The following SIK3 variants were observed in gnomAD, a reference collection of about 807,000 sequenced individuals.
SIK3 encodes serine/threonine-protein kinase SIK3.
In SIK3, 28 loss-of-function variants were observed where a neutral mutation model predicts 144.2. That is an observed-to-expected ratio of 0.19 (90% CI 0.14 to 0.27). SIK3 has a LOEUF of 0.27. Ranked by LOEUF, SIK3 falls within the 10% of genes least tolerant of loss-of-function variation. The pLI, the probability that SIK3 is intolerant of heterozygous loss-of-function variation, is 1.00. For synonymous variants in SIK3, 686 were observed against 676.3 expected (o/e 1.01, Z -0.22); for missense variants, 1,319 against 1,776.0 (o/e 0.74, Z 4.62).
chr11:116,875,078 A>T, intron 11 of SIK3, 80 bp downstream of exon 11: 1 of 1,087,510 alleles, frequency 9.2e-7, no homozygotes, highest in African/African-American at 1.5e-5. Flanking sequence ...TGTAGTAGGA[A>T]ATGTGCCATG....
chr11:117,023,617 A>ATAT (rs1194910685), intron 1 of SIK3, among the ~76,000 whole-genome samples: 45 of 109,140 alleles, frequency 4.1e-4, no homozygotes, highest in Non-Finnish European at 6.2e-4. Context: ...AACAAAAAAA[A>ATAT]AAAAATATAT....
chr11:116,847,587 C>T lies in SIK3; in HGVS notation c.3841G>A (p.Gly1281Arg), dbSNP rs1297147128. 6.2e-7 allele frequency: 1 copy of T among 1,614,216 alleles called. No individual in the cohort carries two copies. The stretch of plus-strand genomic sequence containing the variant: ...GCTTTCCCAGCCACGAGACTCATTC[C>T]TGGCAAGTTATCCAGCTGTACCTGC... ...DAYVQLDNLP[G>R]MSLVAGKALS... is the part of the protein sequence containing the mutation. The change falls in exon 23 of 25, where the codon GGA (glycine) becomes AGA (arginine). Residue 1281 changes from glycine (G) to arginine (R), a missense_variant. This residue lies in a region of SIK3 where 646 missense variants were observed against 763.7 expected (regional missense o/e 0.85). Transcript: ENST00000445177.
intron 1 of SIK3, among the ~76,000 whole-genome samples, chr11:117,053,375 T>C (rs541380060): frequency 1.3e-5 from 2 of 151,798 alleles, no homozygotes; most frequent in South Asian, 2.1e-4. Flanking sequence ...AATGCTATTA[T>C]AGGTAAGTAT....
At chr11:116,873,024 A>G (rs1325260251) in intron 13 of SIK3, among the ~76,000 whole-genome samples, 2 of 152,270 alleles carry the variant, frequency 1.3e-5, no homozygotes, top group Non-Finnish European at 2.9e-5. Flanking sequence ...CAAGTGATCC[A>G]GGTTATGCCA....
chr11:117,002,974 T>A (rs1950907878), intron 1 of SIK3, among the ~76,000 whole-genome samples: 1 of 152,212 alleles, frequency 6.6e-6, no homozygotes, highest in South Asian at 2.1e-4. Flanking sequence ...GAAGTCCGGA[T>A]TTGCCAGCAA....
intron 1 of SIK3, among the ~76,000 whole-genome samples, chr11:116,972,271 C>T (rs1278135549): frequency 6.6e-6 from 1 of 152,088 alleles, no homozygotes; most frequent in East Asian, 1.9e-4. Context: ...GACAGTCGAG[C>T]TCAAGAACCT....
At chr11:117,015,477 T>C (rs1591539434) in intron 1 of SIK3, among the ~76,000 whole-genome samples, 1 of 152,232 alleles carries the variant, frequency 6.6e-6, no homozygotes, top group South Asian at 2.1e-4. Context: ...AGTGGCACGA[T>C]CTTGGCTCAC....
At chr11:116,887,245 TA>T (rs5795056) in intron 6 of SIK3, among the ~76,000 whole-genome samples, 48,849 of 103,266 alleles carry the variant, frequency 0.47, 12,819 homozygotes, top group Non-Finnish European at 0.63. Context: ...GTCTCTACAC[TA>T]AAAAAAAAAA....
intron 16 of SIK3, among the ~76,000 whole-genome samples, chr11:116,863,379 T>C (rs1943455027): frequency 6.6e-6 from 1 of 151,900 alleles, no homozygotes; most frequent in African/African-American, 2.4e-5. Flanking sequence ...GCCTCAGGAG[T>C]AGCTGGGACT....
chr11:116,927,398 A>G lies in SIK3; in HGVS notation c.455-18T>C. 1 of 1,607,610 alleles carries G rather than the reference A, an allele frequency of 6.2e-7. No individual in the cohort carries two copies. Among genetic ancestry groups the G allele is most frequent in the Admixed American group, 1.7e-5 (1 of 58,882 alleles). On this transcript the variant is annotated intron_variant, in intron 3 of 24. Transcript: ENST00000445177. ...CAGGTGGTCTGTGTTGAAGAAGAATACAGTCAGTTTTCATTTTGGACACTT... is the reference window on the plus strand; with the variant it reads ...CAGGTGGTCTGTGTTGAAGAAGAATGCAGTCAGTTTTCATTTTGGACACTT...
chr11:117,035,231 A>C (rs897027191), intron 1 of SIK3, among the ~76,000 whole-genome samples: 3 of 152,212 alleles, frequency 2.0e-5, no homozygotes, highest in Non-Finnish European at 4.4e-5. Flanking sequence ...TTTATTTTAA[A>C]ACTGAGTGAA....
At chr11:116,864,496 A>AAAGAGGAATCATATGGATTACCTTC (rs1565379847) in intron 15 of SIK3, 1 of 152,274 alleles carries the variant, frequency 6.6e-6, no homozygotes, top group African/African-American at 2.4e-5. Flanking sequence ...CCTCCTAATG[A>AAAGAGGAATCATATGGATTACCTTC]AAGAGGAATC....
At chr11:117,056,813 T>C (rs1565601724) in intron 1 of SIK3, among the ~76,000 whole-genome samples, 1 of 152,198 alleles carries the variant, frequency 6.6e-6, no homozygotes, top group Non-Finnish European at 1.5e-5. Flanking sequence ...AATTCAAGGA[T>C]GGTCCACCTT....
rs1191898964 is a variant in SIK3 at position 116,954,028 on chromosome 11, C to G, written c.454+16G>C. On this transcript the variant is annotated intron_variant, in intron 3 of 24. Transcript: ENST00000445177. ...GTGCTCAATAGCTGTTTAAAGAATG[C>G]AATAAATGTACTTACCAAATATTTC... 6.2e-7 allele frequency: 1 copy of G among 1,609,300 alleles called. No homozygotes were observed. The highest frequency in any genetic ancestry group is 1.1e-5 in the South Asian group (1 of 90,882).
At chr11:116,986,562 G>C (rs1005202937) in intron 1 of SIK3, among the ~76,000 whole-genome samples, 1 of 152,078 alleles carries the variant, frequency 6.6e-6, no homozygotes, top group African/African-American at 2.4e-5. Context: ...AAACAGACAA[G>C]AACTTCCTTT....
chr11:116,935,388 C>T (rs1217046536), intron 3 of SIK3, among the ~76,000 whole-genome samples: 1 of 151,954 alleles, frequency 6.6e-6, no homozygotes, highest in Non-Finnish European at 1.5e-5. Context: ...TTTTACTCTT[C>T]ATTTTGCTAT....
Position 116,875,203 on chromosome 11 carries a change from C to T in SIK3, c.1382G>A (p.Arg461His), listed in dbSNP as rs1418199076. The T allele has an allele frequency of 3.7e-6, 6 of 1,614,182 alleles. No individual in the cohort carries two copies. The highest frequency in any genetic ancestry group is 1.1e-5 in the South Asian group (1 of 91,078). Residue 461 changes from arginine (R) to histidine (H), a missense_variant, in exon 11 of 25, where the codon CGC becomes CAC. Coordinates refer to ENST00000445177, the MANE Select transcript of SIK3 (RefSeq NM_001366686.3). Reference sequence around the variant, plus strand: ...TGTGTGCCTCCTCATTGACAAATAGCGCACCAATGCTTCAGGGGAAGGCTC... The same window carrying T: ...TGTGTGCCTCCTCATTGACAAATAGTGCACCAATGCTTCAGGGGAAGGCTC... ...GEEPSPEALV[R>H]YLSMRRHTVG...
At chr11:117,093,026 C>T (rs1955315206) in intron 1 of SIK3, among the ~76,000 whole-genome samples, 1 of 152,166 alleles carries the variant, frequency 6.6e-6, no homozygotes, top group African/African-American at 2.4e-5. Flanking sequence ...TAGCTCTTTA[C>T]AAAATTTCAA....
chr11:117,072,313 G>A (rs1390102453), intron 1 of SIK3, among the ~76,000 whole-genome samples: 1 of 152,062 alleles, frequency 6.6e-6, no homozygotes, highest in Non-Finnish European at 1.5e-5. Context: ...GCTTGAACCA[G>A]GGAGGCAGAA....
Sources: allele counts gnomAD v4.1 joint callset (sites outside exome capture counted in the v4.1 genomes callset), GRCh38; gene constraint gnomAD v4.1.1; regional missense constraint gnomAD v4.1.1; transcripts MANE v1.5; gene names NCBI Gene and HGNC (gene_info 2026-07-23, HGNC 2026-07-21).